The following DLGAP4 variants were observed in gnomAD, a reference collection of about 807,000 sequenced individuals.
DLGAP4 encodes the protein DLG associated protein 4.
DLGAP4 carries 18 observed loss-of-function variants against 86.9 expected under a neutral mutation model. The ratio of observed to expected loss-of-function variants is 0.21; its 90% CI spans 0.14 to 0.31. The LOEUF is 0.31. Among genes scored for constraint, DLGAP4 ranks in the 10% least tolerant of loss-of-function variants. The pLI is 1.00. For synonymous variants in DLGAP4, 548 were observed against 574.3 expected (o/e 0.95, Z 0.65); for missense variants, 1,085 against 1,362.6 (o/e 0.80, Z 3.21).
chr20:36,329,695 G>A (rs1305490072), intron 1 of DLGAP4, among the ~76,000 whole-genome samples: 6 of 152,012 alleles, frequency 3.9e-5, no homozygotes, highest in East Asian at 1.9e-4. Flanking sequence ...TCAGGAGTTC[G>A]AGACCAGCCT....
chr20:36,493,092 T>C (rs1009172542), intron 7 of DLGAP4: 3 of 151,884 alleles, frequency 2.0e-5, no homozygotes, highest in Admixed American at 2.0e-4. Flanking sequence ...TGAGGAGTGA[T>C]GCCAAGCCTA....
chr20:36,436,397 CG>C, intron 4 of DLGAP4, 47 bp downstream of exon 4: 1 of 1,526,276 alleles, frequency 6.6e-7, no homozygotes, highest in Non-Finnish European at 8.8e-7. Context: ...AGGCAAGCCC[CG>C]CCCACTACGA....
At chr20:36,433,262 C>T (rs1327267394) in intron 3 of DLGAP4, among the ~76,000 whole-genome samples, 6 of 152,212 alleles carry the variant, frequency 3.9e-5, no homozygotes, top group South Asian at 2.1e-4. Flanking sequence ...AAGACATGGA[C>T]GGTCATGTCA....
intron 1 of DLGAP4, among the ~76,000 whole-genome samples, chr20:36,324,629 T>C (rs965224705): frequency 4.6e-5 from 7 of 152,214 alleles, no homozygotes; most frequent in South Asian, 4.1e-4. Flanking sequence ...GAAAATCAAT[T>C]AACCATAAAT....
intron 2 of DLGAP4, among the ~76,000 whole-genome samples, chr20:36,417,299 C>T (rs1024502348): frequency 6.6e-6 from 1 of 152,174 alleles, no homozygotes; most frequent in Admixed American, 6.5e-5. Context: ...GCTGGGAGCG[C>T]TGGGGAAGTA....
chr20:36,496,633 T>C (rs113653273), intron 7 of DLGAP4, 72 bp from the exon 8 acceptor site: 54,631 of 1,527,378 alleles, frequency 0.036, 1,121 homozygotes, highest in Non-Finnish European at 0.04. Flanking sequence ...GCTTCTGCAT[T>C]GGAAGGGGCT....
intron 2 of DLGAP4, among the ~76,000 whole-genome samples, chr20:36,426,889 G>A (rs1391022183): frequency 6.6e-6 from 1 of 151,948 alleles, no homozygotes; most frequent in Non-Finnish European, 1.5e-5. Context: ...TTATGAAAAT[G>A]TTTCAGGGCT....
Position 36,329,024 on chromosome 20 carries a change from T to A in DLGAP4, c.-304+22512T>A, listed in dbSNP as rs144108469. On this transcript the variant is annotated intron_variant, in intron 1 of 12. Coordinates refer to ENST00000339266, the MANE Select transcript of DLGAP4 (RefSeq NM_001365621.2). ...CTCCTGACCTTGTGATCTGCCTGAC[T>A]TGGTCTCCCAAAGTGCTGGGATTAC... Among the ~76,000 whole-genome samples, 1,125 of 152,278 alleles carry A rather than the reference T, an allele frequency of 7.4e-3. 18 individuals carry two copies. The highest frequency in any genetic ancestry group is 0.024 in the African/African-American group (979 of 41,548).
intron 1 of DLGAP4, among the ~76,000 whole-genome samples, chr20:36,341,399 T>C (rs1429464642): frequency 2.0e-5 from 3 of 152,192 alleles, no homozygotes; most frequent in African/African-American, 7.2e-5. Flanking sequence ...TCTGTCTTGT[T>C]GACTGCCCCA....
chr20:36,371,760 T>G lies in DLGAP4; in HGVS notation c.-73+4485T>G, dbSNP rs1332537144. 2.0e-5 allele frequency among the ~76,000 whole-genome samples: 3 copies of G among 152,324 alleles called. No individual in the cohort carries two copies. The East Asian group carries it at 5.8e-4, about 29-fold the overall frequency. On this transcript the variant is annotated intron_variant, in intron 2 of 12. Transcript: ENST00000339266. ...AGTGTGTCGTAGAGGTTTTTGTTTTTTTTTTTAAAAAGAGGTTATAAAACA... is the reference window on the plus strand; with the variant it reads ...AGTGTGTCGTAGAGGTTTTTGTTTTGTTTTTTAAAAAGAGGTTATAAAACA...
chr20:36,310,321 C>T (rs1482342263), intron 1 of DLGAP4, among the ~76,000 whole-genome samples: 2 of 152,184 alleles, frequency 1.3e-5, no homozygotes, highest in Non-Finnish European at 2.9e-5. Flanking sequence ...GTTATGTGTC[C>T]TTCTAAGAGG....
chr20:36,462,845 C>G (rs1376663757), intron 7 of DLGAP4, among the ~76,000 whole-genome samples: 1 of 152,246 alleles, frequency 6.6e-6, no homozygotes, highest in Non-Finnish European at 1.5e-5. Context: ...CTGGGCATCC[C>G]TGCCCACTTG....
At chr20:36,320,967 G>A (rs1351572925) in intron 1 of DLGAP4, among the ~76,000 whole-genome samples, 3 of 152,220 alleles carry the variant, frequency 2.0e-5, no homozygotes, top group Non-Finnish European at 4.4e-5. Context: ...TAGTCAGTCA[G>A]CAAACGAGGA....
intron 2 of DLGAP4, among the ~76,000 whole-genome samples, chr20:36,424,556 T>G (rs1397874711): frequency 6.6e-6 from 1 of 152,124 alleles, no homozygotes; most frequent in East Asian, 1.9e-4. Context: ...CAGCAGCCAA[T>G]GCTCTTGGCA....
At chr20:36,475,505 G>A (rs759316353) in intron 7 of DLGAP4, among the ~76,000 whole-genome samples, 3 of 152,144 alleles carry the variant, frequency 2.0e-5, no homozygotes, top group Non-Finnish European at 2.9e-5. Flanking sequence ...CACCAAGCCC[G>A]GCTCTCCATA....
At chr20:36,387,212 C>G (rs1265672865) in intron 2 of DLGAP4, among the ~76,000 whole-genome samples, 1 of 152,178 alleles carries the variant, frequency 6.6e-6, no homozygotes, top group East Asian at 1.9e-4. Context: ...TTAATTTTGC[C>G]AATCTGCTGG....
intron 2 of DLGAP4, among the ~76,000 whole-genome samples, chr20:36,375,989 C>A (rs939778667): frequency 2.6e-5 from 4 of 152,174 alleles, no homozygotes; most frequent in African/African-American, 9.6e-5. Context: ...GGCGACAGAG[C>A]AACACCCTGT....
chr20:36,489,333 A>G (rs1375616437), intron 7 of DLGAP4, among the ~76,000 whole-genome samples: 1 of 152,186 alleles, frequency 6.6e-6, no homozygotes, highest in Non-Finnish European at 1.5e-5. Flanking sequence ...GTTAGCACTC[A>G]GTAAGGTCAG....
rs2037727324 is a variant in DLGAP4 at position 36,525,877 on chromosome 20, A to G, written c.2631A>G (p.Thr877=). 1.9e-6 allele frequency: 3 copies of G among 1,613,842 alleles called. No individual in the cohort carries two copies. Among genetic ancestry groups the G allele is most frequent in the Non-Finnish European group, 1.7e-6 (2 of 1,179,996 alleles). Residue 877 remains threonine (T), a synonymous_variant, in exon 12 of 13, where the codon ACA becomes ACG. Transcript: ENST00000339266. ...NLNPDANPRP[T]AQDLAGFWDL... is the part of the protein sequence containing the mutation. ...ACCCTGATGCCAACCCACGCCCCACAGCCCAGGACCTGGCAGGGTTCTGGG... is the reference window on the plus strand; with the variant it reads ...ACCCTGATGCCAACCCACGCCCCACGGCCCAGGACCTGGCAGGGTTCTGGG...
Sources: allele counts gnomAD v4.1 joint callset (sites outside exome capture counted in the v4.1 genomes callset), GRCh38; gene constraint gnomAD v4.1.1; transcripts MANE v1.5; gene names NCBI Gene and HGNC (gene_info 2026-07-23, HGNC 2026-07-21).